Variants in GPR39 observed in about 807,000 individuals in gnomAD.
The protein encoded by GPR39 is zinc sensing receptor.
GPR39 carries 23 observed loss-of-function variants against 18.4 expected under a neutral mutation model. The ratio of observed to expected loss-of-function variants is 1.25; its 90% CI spans 0.90 to 1.77. The LOEUF (loss-of-function observed/expected upper bound fraction) is 1.77, where lower values mean the gene tolerates loss of function less well. GPR39 is among the 40% of genes most tolerant of loss of function. GPR39 has a pLI of 0.00. For synonymous variants in GPR39, 280 were observed against 257.9 expected, an observed-to-expected ratio of 1.09 and a Z score of -0.82; for missense variants, 647 against 602.4, an observed-to-expected ratio of 1.07 and a Z score of -0.78.
At chr2:132,583,030 T>C (rs535548154) in intron 1 of GPR39, among the ~76,000 whole-genome samples, 10 of 151,004 alleles carry the variant, frequency 6.6e-5, no homozygotes, top group African/African-American at 2.4e-4. Flanking sequence ...CCCAAGTGGC[T>C]GGAACTACAA....
At chr2:132,446,592 C>G (rs1218652076) in intron 1 of GPR39, among the ~76,000 whole-genome samples, 1 of 152,144 alleles carries the variant, frequency 6.6e-6, no homozygotes, top group African/African-American at 2.4e-5. Context: ...AATTTTGTGC[C>G]TCTGCCTGTG....
intron 1 of GPR39, among the ~76,000 whole-genome samples, chr2:132,548,429 T>G (rs924598481): frequency 6.6e-6 from 1 of 152,232 alleles, no homozygotes; most frequent in African/African-American, 2.4e-5. Flanking sequence ...TAGCTAAAAG[T>G]CCATCTACGC....
intron 1 of GPR39, among the ~76,000 whole-genome samples, chr2:132,475,325 T>C (rs1681105618): frequency 6.6e-6 from 1 of 151,612 alleles, no homozygotes; most frequent in African/African-American, 2.4e-5. Flanking sequence ...CTTCATAGAA[T>C]AGGGCCTGTA....
chr2:132,615,389 C>T (rs1355185317), intron 1 of GPR39, among the ~76,000 whole-genome samples: 1 of 152,170 alleles, frequency 6.6e-6, no homozygotes, highest in Non-Finnish European at 1.5e-5. Context: ...CTTCACCTTG[C>T]GTGCCTTCCT....
At chr2:132,582,388 T>C (rs2104824002) in intron 1 of GPR39, among the ~76,000 whole-genome samples, 1 of 152,334 alleles carries the variant, frequency 6.6e-6, no homozygotes, top group East Asian at 1.9e-4. Flanking sequence ...CTTAAGTGAT[T>C]TGCAATGTGC....
At chr2:132,516,419 G>T (rs1424543514) in intron 1 of GPR39, among the ~76,000 whole-genome samples, 3 of 152,138 alleles carry the variant, frequency 2.0e-5, no homozygotes, top group African/African-American at 7.2e-5. Context: ...TCAGGAGGTG[G>T]CCTTGGGTGT....
chr2:132,418,234 C>T (rs112645554), intron 1 of GPR39, among the ~76,000 whole-genome samples: 3 of 152,258 alleles, frequency 2.0e-5, no homozygotes, highest in Non-Finnish European at 2.9e-5. Flanking sequence ...GAGAATATGA[C>T]GGACAAATTA....
chr2:132,630,427 G>C (rs1319469083), intron 1 of GPR39, among the ~76,000 whole-genome samples: 2 of 152,176 alleles, frequency 1.3e-5, no homozygotes, highest in Non-Finnish European at 2.9e-5. Context: ...AGAGAGGGTT[G>C]GGTGTGAGGA....
intron 1 of GPR39, among the ~76,000 whole-genome samples, chr2:132,429,692 A>G (rs1320462768): frequency 6.6e-6 from 1 of 152,224 alleles, no homozygotes; most frequent in Admixed American, 6.5e-5. Flanking sequence ...AAAGCTAAAG[A>G]CAGCATCCTA....
At chr2:132,514,450 G>A (rs1327104535) in intron 1 of GPR39, among the ~76,000 whole-genome samples, 3 of 152,270 alleles carry the variant, frequency 2.0e-5, no homozygotes, top group Admixed American at 2.0e-4. Flanking sequence ...AGGCTCCCCC[G>A]TGTTAAGCTG....
chr2:132,470,497 T>C lies in GPR39; in HGVS notation c.856+52599T>C, dbSNP rs114812665. Among the ~76,000 whole-genome samples, 264 of 152,026 alleles carry C rather than the reference T, an allele frequency of 1.7e-3. 2 individuals carry two copies. The highest frequency in any genetic ancestry group is 5.9e-3 in the African/African-American group (243 of 41,464). Reference sequence around the variant, plus strand: ...AGGACTACAAAATGAACGGGGCAAGTAGGGTGCCGAGAGGTGGGGTTGGAG... The same window carrying C: ...AGGACTACAAAATGAACGGGGCAAGCAGGGTGCCGAGAGGTGGGGTTGGAG... On this transcript the variant is annotated intron_variant, in intron 1 of 1. Coordinates refer to ENST00000329321, the MANE Select transcript of GPR39 (RefSeq NM_001508.3).
intron 1 of GPR39, among the ~76,000 whole-genome samples, chr2:132,490,494 G>A (rs1681435491): frequency 6.6e-6 from 1 of 151,864 alleles, no homozygotes; most frequent in Non-Finnish European, 1.5e-5. Flanking sequence ...CACAACGGAG[G>A]GTTTGATAGT....
intron 1 of GPR39, among the ~76,000 whole-genome samples, chr2:132,585,227 G>A (rs926278564): frequency 6.6e-6 from 1 of 152,050 alleles, no homozygotes; most frequent in Non-Finnish European, 1.5e-5. Flanking sequence ...AACAACTTGG[G>A]GGCTCTCTGT....
At chr2:132,504,709 A>G (rs184380748) in intron 1 of GPR39, among the ~76,000 whole-genome samples, 9 of 152,366 alleles carry the variant, frequency 5.9e-5, no homozygotes, top group Admixed American at 5.2e-4. Flanking sequence ...ATAGAATTCA[A>G]GCAAAGACTT....
chr2:132,421,822 AAGAAGAGAG>A (rs939328646), intron 1 of GPR39, among the ~76,000 whole-genome samples: 7 of 139,382 alleles, frequency 5.0e-5, no homozygotes, highest in African/African-American at 1.9e-4. Flanking sequence ...GCCAGGGAAG[AAGAAGAGAG>A]AGAAGAGAGG....
chr2:132,523,932 A>G (rs1466728256), intron 1 of GPR39: 1 of 152,706 alleles, frequency 6.5e-6, no homozygotes, highest in African/African-American at 2.4e-5. Flanking sequence ...TCAGAGCAGC[A>G]ATTCTCAAAA....
intron 1 of GPR39, among the ~76,000 whole-genome samples, chr2:132,629,772 G>C (rs1386885730): frequency 6.6e-6 from 1 of 152,202 alleles, no homozygotes; most frequent in Non-Finnish European, 1.5e-5. Context: ...CCCTAGGCTT[G>C]CTTCCCTCTC....
At chr2:132,478,298 G>C (rs1573621717) in intron 1 of GPR39, among the ~76,000 whole-genome samples, 1 of 152,348 alleles carries the variant, frequency 6.6e-6, no homozygotes, top group East Asian at 1.9e-4. Context: ...GTCCAGAATA[G>C]TGCCGGGCAC....
At chr2:132,583,618 C>G (rs1680668374) in intron 1 of GPR39, among the ~76,000 whole-genome samples, 1 of 151,792 alleles carries the variant, frequency 6.6e-6, no homozygotes, top group African/African-American at 2.4e-5. Flanking sequence ...AGAATGGGTT[C>G]CTTTTATGAT....
Sources: allele counts gnomAD v4.1 joint callset (sites outside exome capture counted in the v4.1 genomes callset), GRCh38; gene constraint gnomAD v4.1.1; transcripts MANE v1.5; gene names NCBI Gene and HGNC (gene_info 2026-07-23, HGNC 2026-07-21).